Variants in DAAM1 observed in about 807,000 individuals in gnomAD.
DAAM1 encodes disheveled-associated activator of morphogenesis 1.
Under a neutral mutation model 130.0 loss-of-function variants are expected in DAAM1, and 52 were observed. That is an observed-to-expected ratio of 0.40 (90% CI 0.32 to 0.50). DAAM1 has a LOEUF of 0.50. DAAM1 is among the 20% of genes least tolerant of loss of function. The pLI, the probability that DAAM1 is intolerant of heterozygous loss-of-function variation, is 0.61. For synonymous variants in DAAM1, 452 were observed against 444.5 expected, an observed-to-expected ratio of 1.02 and a Z score of -0.21; for missense variants, 1,134 against 1,303.8, an observed-to-expected ratio of 0.87 and a Z score of 2.01.
At chr14:59,354,218 G>A (rs777238122) in intron 19 of DAAM1, among the ~76,000 whole-genome samples, 1 of 152,062 alleles carries the variant, frequency 6.6e-6, no homozygotes, top group African/African-American at 2.4e-5. Flanking sequence ...CTGCCACCAC[G>A]CCTGGCTAAT....
At chr14:59,353,729 G>A in intron 18 of DAAM1, 147 bp from the exon 19 acceptor site, 1 of 740,020 alleles carries the variant, frequency 1.4e-6, no homozygotes, top group Non-Finnish European at 2.2e-6. Flanking sequence ...CTGTGTTCCT[G>A]TCCATGAGAA....
Position 59,330,607 on chromosome 14 carries a change from A to G in DAAM1, c.1479A>G (p.Lys493=), listed in dbSNP as rs1412018303. The G allele has an allele frequency of 6.2e-7, 1 of 1,614,064 alleles. No individual in the cohort carries two copies. Among genetic ancestry groups the G allele is most frequent in the Non-Finnish European group, 8.5e-7 (1 of 1,179,992 alleles). The stretch of plus-strand genomic sequence containing the variant: ...AGACCTTAAATAAAATGAAAGAGAA[A>G]CTTGAAAAGGAGACTACTGAGCATA... ...MMQTLNKMKE[K]LEKETTEHKQ... Residue 493 remains lysine (K), a synonymous_variant, in exon 13 of 25, where the codon AAA becomes AAG. Coordinates refer to ENST00000360909, the MANE Select transcript of DAAM1 (RefSeq NM_001270520.2).
rs144117958 is a variant in DAAM1 at position 59,282,434 on chromosome 14, G to A, written c.184-8783G>A. The stretch of plus-strand genomic sequence containing the variant: ...CTTCAGATGAAGAAATTGAAGTTCA[G>A]AGGCTGAGTCACTTGTGCAAGGTTA... On this transcript the variant is annotated intron_variant, in intron 2 of 24. Transcript: ENST00000360909. 1.8e-4 allele frequency among the ~76,000 whole-genome samples: 28 copies of A among 152,258 alleles called. No individual in the cohort carries two copies. The East Asian group carries it at 5.2e-3, about 28-fold the overall frequency.
chr14:59,313,497 G>A (rs1884671846), intron 3 of DAAM1, among the ~76,000 whole-genome samples: 1 of 152,176 alleles, frequency 6.6e-6, no homozygotes, highest in Non-Finnish European at 1.5e-5. Flanking sequence ...TTCAAGAATG[G>A]TCTCTCTTCT....
chr14:59,274,040 C>T (rs1882842609), intron 2 of DAAM1, among the ~76,000 whole-genome samples: 1 of 152,132 alleles, frequency 6.6e-6, no homozygotes, highest in South Asian at 2.1e-4. Context: ...TCAAGCTGTT[C>T]TTGGTGCGTG....
rs1887088302 is a variant in DAAM1 at position 59,369,826 on chromosome 14, C to A, written c.*967C>A. On this transcript the variant is annotated 3_prime_UTR_variant, in exon 25 of 25. Coordinates refer to ENST00000360909, the MANE Select transcript of DAAM1 (RefSeq NM_001270520.2). ...AGTTTCTATTTTCTGTTTTGTAGGA[C>A]AAGCTGCATTTTCTGTAAATATAGG... 6.9e-6 allele frequency: 1 copy of A among 143,928 alleles called. No homozygotes were observed. Among genetic ancestry groups the A allele is most frequent in the Non-Finnish European group, 1.5e-5 (1 of 66,704 alleles). 8.9% of individuals were successfully genotyped at this position (143,928 alleles called of 1,614,324 possible). A position where few individuals can be genotyped will look rare whatever the true frequency, so the allele number is the denominator to read the frequency against.
rs1473351567 is a variant in DAAM1, at chr14:59,338,351, A to G, written c.1969-1723A>G. The G allele has an allele frequency of 2.5e-6, 4 of 1,612,664 alleles. No homozygotes were observed. The Admixed American group carries it at 6.7e-5, about 27-fold the overall frequency. On this transcript the variant is annotated intron_variant, in intron 15 of 24. Coordinates refer to ENST00000360909, the MANE Select transcript of DAAM1 (RefSeq NM_001270520.2). ...GTGACTTCTGAACTGCATATATCTG[A>G]TTTGCCTTTTCCATGCCTCTGCCAT...
chr14:59,238,586 CT>C (rs2139457529), intron 1 of DAAM1, among the ~76,000 whole-genome samples: 1 of 152,284 alleles, frequency 6.6e-6, no homozygotes, highest in East Asian at 1.9e-4. Flanking sequence ...GCAGTTCAGC[CT>C]CTTCTTATGT....
intron 24 of DAAM1, 102 bp downstream of exon 24, chr14:59,367,701 G>T (rs1489483677): frequency 1.2e-5 from 17 of 1,426,416 alleles, no homozygotes; most frequent in African/African-American, 8.6e-5. Context: ...AGGAAGGAAG[G>T]CTTCAATGTA....
intron 2 of DAAM1, among the ~76,000 whole-genome samples, chr14:59,278,173 T>G (rs1288777848): frequency 6.6e-6 from 1 of 152,156 alleles, no homozygotes; most frequent in Non-Finnish European, 1.5e-5. Context: ...TGTGAAATGA[T>G]AAAATGCCTG....
At chr14:59,252,779 A>G (rs1448720064) in intron 1 of DAAM1, among the ~76,000 whole-genome samples, 1 of 152,238 alleles carries the variant, frequency 6.6e-6, no homozygotes, top group African/African-American at 2.4e-5. Flanking sequence ...AAAGCCATCA[A>G]ACATTTCTTG....
At chr14:59,214,130 C>T (rs1252988) in intron 1 of DAAM1, among the ~76,000 whole-genome samples, 19,590 of 152,206 alleles carry the variant, frequency 0.13, 1,461 homozygotes, top group Middle Eastern at 0.2. Context: ...CTTCAGTTTA[C>T]TTTGGAAGAT....
chr14:59,257,900 A>AGGTCTCAGCTTAAATTT (rs1206672242), intron 1 of DAAM1, among the ~76,000 whole-genome samples: 6 of 152,070 alleles, frequency 3.9e-5, no homozygotes, highest in Admixed American at 3.3e-4. Flanking sequence ...GGCTGGTCCC[A>AGGTCTCAGCTTAAATTT]TTTTATCCAT....
Position 59,322,982 on chromosome 14 carries a change from AC to A in DAAM1, c.532del (p.His178IlefsTer8). 1 of 1,614,142 alleles carries A rather than the reference AC, an allele frequency of 6.2e-7. No homozygotes were observed. Among genetic ancestry groups the A allele is most frequent in the Non-Finnish European group, 8.5e-7 (1 of 1,180,002 alleles). On this transcript the variant is annotated frameshift_variant, in exon 6 of 25. Coordinates refer to ENST00000360909, the MANE Select transcript of DAAM1 (RefSeq NM_001270520.2). LOFTEE classifies it high-confidence loss of function. ...ACTACGAGACCTCAGAGTCTCGAATACATACTTCTCTCATTGGCTGTATAAA... is the reference window on the plus strand; with the variant it reads ...ACTACGAGACCTCAGAGTCTCGAATAATACTTCTCTCATTGGCTGTATAAA... Reference protein sequence around the residue: ...MDYETSESRIHTSLIGCIKAL... With the variant: ...MDYETSESRIXTSLIGCIKAL...
chr14:59,305,439 G>T (rs1450994101), intron 3 of DAAM1, among the ~76,000 whole-genome samples: 2 of 152,158 alleles, frequency 1.3e-5, no homozygotes, highest in Admixed American at 1.3e-4. Context: ...TTAGGCTTCA[G>T]TCATATGCCA....
chr14:59,334,182 T>A (rs1885540935), intron 15 of DAAM1, among the ~76,000 whole-genome samples: 1 of 152,184 alleles, frequency 6.6e-6, no homozygotes, highest in South Asian at 2.1e-4. Flanking sequence ...ATAAGGATAA[T>A]TTGAGCCATT....
chr14:59,195,141 CTTTTT>C (rs33934407), intron 1 of DAAM1, among the ~76,000 whole-genome samples: 3 of 98,170 alleles, frequency 3.1e-5, no homozygotes, highest in African/African-American at 8.5e-5. Context: ...TCTTGTTATA[CTTTTT>C]TTTTTTTTTT....
intron 1 of DAAM1, among the ~76,000 whole-genome samples, chr14:59,257,378 T>TA (rs33912254): frequency 0.23 from 32,858 of 145,636 alleles, 3,684 homozygotes; most frequent in East Asian, 0.32. Flanking sequence ...AAATGGACAT[T>TA]AAAAAAAAAA....
chr14:59,334,402 A>G (rs1214588059), intron 15 of DAAM1, among the ~76,000 whole-genome samples: 4 of 152,230 alleles, frequency 2.6e-5, no homozygotes, highest in African/African-American at 4.8e-5. Flanking sequence ...TCTACTCGCA[A>G]ATGAATACTC....
Sources: gnomAD v4.1 joint callset for allele counts (sites outside exome capture counted in the v4.1 genomes callset) on GRCh38, gnomAD v4.1.1 for gene constraint, MANE v1.5 for transcripts, NCBI Gene and HGNC (gene_info 2026-07-23, HGNC 2026-07-21) for gene names.